Variants in STRBP observed in about 807,000 individuals in gnomAD.
STRBP encodes spermatid perinuclear RNA-binding protein.
In STRBP, 13 loss-of-function variants were observed where a neutral mutation model predicts 80.1. The observed-to-expected ratio is 0.16, with a 90% CI of 0.11 to 0.26. The LOEUF is 0.26. Among genes scored for constraint, STRBP ranks in the 10% least tolerant of loss-of-function variants. The pLI, the probability that STRBP is intolerant of heterozygous loss-of-function variation, is 1.00. For missense variants in STRBP, 485 were observed against 815.2 expected (o/e 0.59, Z 4.93); for synonymous variants, 284 against 291.2 (o/e 0.98, Z 0.25).
chr9:123,233,148 A>AT (rs2040445509), intron 2 of STRBP, among the ~76,000 whole-genome samples: 1 of 152,178 alleles, frequency 6.6e-6, no homozygotes, highest in Admixed American at 6.5e-5. Flanking sequence ...AACATAGCTC[A>AT]TGGCAGCCTA....
downstream of STRBP, among the ~76,000 whole-genome samples, chr9:123,116,921 T>C (rs1392459094): frequency 1.3e-5 from 2 of 152,240 alleles, no homozygotes; most frequent in African/African-American, 4.8e-5. Context: ...AGGGCTGCTG[T>C]TACCTCTAAA....
intron 13 of STRBP, among the ~76,000 whole-genome samples, chr9:123,142,634 C>A (rs1439664933): frequency 2.0e-5 from 3 of 152,140 alleles, no homozygotes; most frequent in Non-Finnish European, 2.9e-5. Context: ...CTGATCCATC[C>A]CTGTTCCTTG....
In STRBP at chr9:123,139,572, T is replaced by C. The variant is rs1183269313; in HGVS notation, c.1454A>G (p.Asn485Ser). ...TTCAGTTGTAGAATTTCCAGTATTA[T>C]TGCTTGAGTTTGAAGACACTGTTTC... ...KNETVSSNSS[N>S]NTGNSTTETS... Residue 485 changes from asparagine to serine, a missense_variant, in exon 14 of 19, where the codon AAT (asparagine) becomes AGT (serine). Around this residue, in one of 3 missense-constraint regions of STRBP, gnomAD observed 377 missense variants for 616.1 expected, o/e 0.61. Coordinates refer to ENST00000348403, the MANE Select transcript of STRBP (RefSeq NM_018387.5). 3.7e-6 allele frequency: 6 copies of C among 1,612,830 alleles called. No individual in the cohort carries two copies. Among genetic ancestry groups the C allele is most frequent in the Non-Finnish European group, 5.1e-6 (6 of 1,179,732 alleles).
chr9:123,212,261 C>T (rs1017748282), intron 2 of STRBP, among the ~76,000 whole-genome samples: 16 of 152,108 alleles, frequency 1.1e-4, no homozygotes, highest in African/African-American at 3.1e-4. Context: ...ATTTCCAATA[C>T]GGTACTCACA....
chr9:123,194,888 A>G (rs2039041971), intron 2 of STRBP, among the ~76,000 whole-genome samples: 1 of 151,694 alleles, frequency 6.6e-6, no homozygotes, highest in Non-Finnish European at 1.5e-5. Flanking sequence ...TATCTCCACA[A>G]CCTCTAAACG....
chr9:123,179,999 T>TTCCCA (rs1157124760), intron 3 of STRBP, among the ~76,000 whole-genome samples: 1 of 151,542 alleles, frequency 6.6e-6, no homozygotes, highest in Non-Finnish European at 1.5e-5. Context: ...ATGCCTATAA[T>TTCCCA]TCCCAGCACT....
chr9:123,158,302 T>C, intron 10 of STRBP, 30 bp downstream of exon 10: 1 of 1,602,258 alleles, frequency 6.2e-7, no homozygotes, highest in Non-Finnish European at 8.5e-7. Flanking sequence ...ATTTCACTAA[T>C]AAGTCAGAGT....
chr9:123,189,789 T>A (rs1217335265), intron 2 of STRBP, among the ~76,000 whole-genome samples: 1 of 152,014 alleles, frequency 6.6e-6, no homozygotes, highest in Non-Finnish European at 1.5e-5. Flanking sequence ...ATGACACATG[T>A]ATACCTATGT....
chr9:123,149,708 C>T (rs934763784), intron 11 of STRBP, among the ~76,000 whole-genome samples: 2 of 152,110 alleles, frequency 1.3e-5, no homozygotes, highest in African/African-American at 4.8e-5. Context: ...ATAATATTTT[C>T]GTATTTACCA....
intron 9 of STRBP, 75 bp downstream of exon 9, chr9:123,159,021 C>T: frequency 1.6e-6 from 2 of 1,237,074 alleles, no homozygotes; most frequent in Non-Finnish European, 2.4e-6. Flanking sequence ...AGAGAACAAA[C>T]TTAGCATATA....
chr9:123,165,627 C>T (rs889143971), intron 6 of STRBP, among the ~76,000 whole-genome samples: 8 of 152,170 alleles, frequency 5.3e-5, no homozygotes, highest in African/African-American at 1.9e-4. Context: ...TCACCCCCTT[C>T]AATAGCAAAT....
intron 13 of STRBP, among the ~76,000 whole-genome samples, chr9:123,143,865 T>TG (rs1447161656): frequency 6.6e-6 from 1 of 152,172 alleles, no homozygotes; most frequent in East Asian, 1.9e-4. Flanking sequence ...GAGCAATCTT[T>TG]GAGTTAGCTA....
rs1233081720 is a variant in STRBP at position 123,115,278 on chromosome 9, G to A, written c.*84+651C>T. On this transcript the variant is annotated intron_variant and NMD_transcript_variant, in intron 3 of 3. Transcript: ENST00000471564. The surrounding 1 kb of genome is among the most constrained non-coding windows in gnomAD (Gnocchi z 5.0). The stretch of plus-strand genomic sequence containing the variant: ...CGTCTGGCTCAGTGGGAAGCCTATC[G>A]CTCTTGGTAAATTACTCAGTAAGCA... 3 of 470,972 alleles carry A rather than the reference G, an allele frequency of 6.4e-6. No homozygotes were observed. The highest frequency in any genetic ancestry group is 2.0e-5 in the African/African-American group (1 of 50,074). 29.2% of individuals were successfully genotyped at this position (470,972 alleles called of 1,614,324 possible).
chr9:123,135,904 A>G, intron 16 of STRBP, 137 bp downstream of exon 16: 1 of 1,108,148 alleles, frequency 9.0e-7, no homozygotes, highest in Non-Finnish European at 1.3e-6. Context: ...TCGTGACCTA[A>G]CCCAAAGCAA....
chr9:123,161,092 G>C, intron 6 of STRBP, 24 bp from the exon 7 acceptor site: 1 of 1,525,396 alleles, frequency 6.6e-7, no homozygotes. Context: ...GGGATAAAGA[G>C]AGACAAATAC....
chr9:123,253,665 G>A (rs1036515817), intron 1 of STRBP, among the ~76,000 whole-genome samples: 3 of 152,188 alleles, frequency 2.0e-5, no homozygotes, highest in Non-Finnish European at 2.9e-5. Flanking sequence ...TATGCACAAC[G>A]CATGCCTGCT....
At chr9:123,182,100 A>G (rs1029498697) in intron 3 of STRBP, among the ~76,000 whole-genome samples, 1 of 151,658 alleles carries the variant, frequency 6.6e-6, no homozygotes, top group African/African-American at 2.4e-5. Context: ...CTACAGTCCC[A>G]GCTACTCAGG....
At chr9:123,232,260 G>A (rs909231227) in intron 2 of STRBP, among the ~76,000 whole-genome samples, 3 of 152,010 alleles carry the variant, frequency 2.0e-5, no homozygotes, top group East Asian at 1.9e-4. Flanking sequence ...GCAGTGAGCC[G>A]AAATCACACC....
At chr9:123,217,014 C>T (rs2039920810) in intron 2 of STRBP, among the ~76,000 whole-genome samples, 1 of 152,162 alleles carries the variant, frequency 6.6e-6, no homozygotes, top group Admixed American at 6.5e-5. Flanking sequence ...AAGATACCTG[C>T]CTTATCTGCT....
Sources: allele counts gnomAD v4.1 joint callset (sites outside exome capture counted in the v4.1 genomes callset), GRCh38; gene constraint gnomAD v4.1.1; regional missense constraint gnomAD v4.1.1; non-coding constraint Gnocchi (gnomAD v3.1); transcripts MANE v1.5; gene names NCBI Gene and HGNC (gene_info 2026-07-23, HGNC 2026-07-21).